TENM2: variants seen among roughly 807,000 people sequenced by gnomAD.
The protein encoded by TENM2 is teneurin transmembrane protein 2.
Under a neutral mutation model 245.2 loss-of-function variants are expected in TENM2, and 52 were observed. That is an observed-to-expected ratio of 0.21 (90% CI 0.17 to 0.27). TENM2 has a LOEUF of 0.27. TENM2 is among the 10% of genes least tolerant of loss of function. The pLI, the probability that TENM2 is intolerant of heterozygous loss-of-function variation, is 1.00. For missense variants in TENM2, 3,046 were observed against 3,666.8 expected, an observed-to-expected ratio of 0.83 and a Z score of 4.37; for synonymous variants, 1,363 against 1,438.9, an observed-to-expected ratio of 0.95 and a Z score of 1.19.
At chr5:167,632,645 A>G (rs1325017139) in intron 2 of TENM2, among the ~76,000 whole-genome samples, 1 of 152,168 alleles carries the variant, frequency 6.6e-6, no homozygotes, top group Non-Finnish European at 1.5e-5. Context: ...AGTATAGGTG[A>G]CTGGTATACA....
chr5:167,969,275 C>T (rs1201805685), intron 4 of TENM2, among the ~76,000 whole-genome samples: 1 of 152,046 alleles, frequency 6.6e-6, no homozygotes, highest in African/African-American at 2.4e-5. Flanking sequence ...TTCCCATGCT[C>T]TTCTCGTGGT....
At chr5:167,982,523 T>C (rs66943039) in intron 4 of TENM2, among the ~76,000 whole-genome samples, 24,880 of 152,174 alleles carry the variant, frequency 0.16, 2,239 homozygotes, top group East Asian at 0.26. Flanking sequence ...ATTGTATTCC[T>C]GTTCTTTTTC....
chr5:167,752,078 A>G (rs1189211889), intron 2 of TENM2, among the ~76,000 whole-genome samples: 1 of 151,774 alleles, frequency 6.6e-6, no homozygotes, highest in African/African-American at 2.4e-5. Flanking sequence ...GTTCTCATGC[A>G]GCTCTTGGGG....
intron 25 of TENM2, among the ~76,000 whole-genome samples, chr5:168,238,045 T>A (rs1320434001): frequency 2.0e-5 from 3 of 150,748 alleles, no homozygotes; most frequent in Non-Finnish European, 2.9e-5. Flanking sequence ...CTCAGGAGGC[T>A]GAGGCAGGAG....
At chr5:167,213,676 A>G in the TENM2 span, among the ~76,000 whole-genome samples, 1 of 152,236 alleles carries the variant, frequency 6.6e-6, no homozygotes, top group Admixed American at 6.5e-5. Flanking sequence ...GACAACCACT[A>G]ATGTAGCTTA....
chr5:167,563,731 A>G (rs1434662491), intron 2 of TENM2, among the ~76,000 whole-genome samples: 1 of 152,202 alleles, frequency 6.6e-6, no homozygotes, highest in Non-Finnish European at 1.5e-5. Context: ...TCTTCTATAC[A>G]GTGTTTTTAC....
chr5:167,751,673 A>G (rs1232346401), intron 2 of TENM2, among the ~76,000 whole-genome samples: 1 of 152,250 alleles, frequency 6.6e-6, no homozygotes, highest in African/African-American at 2.4e-5. Context: ...AGATTTTTAG[A>G]TACAACTGTT....
intron 5 of TENM2, among the ~76,000 whole-genome samples, chr5:168,025,763 T>G (rs776420086): frequency 6.6e-6 from 1 of 152,118 alleles, no homozygotes; most frequent in East Asian, 1.9e-4. Flanking sequence ...AAGTGGAACA[T>G]GAAAAGATGG....
intron 2 of TENM2, among the ~76,000 whole-genome samples, chr5:167,645,387 A>G (rs1307971937): frequency 6.6e-6 from 1 of 152,130 alleles, no homozygotes; most frequent in African/African-American, 2.4e-5. Context: ...ACGCAAAGGA[A>G]GGGTGGAGGA....
At chr5:167,356,561 C>T (rs1240488761) in intron 1 of TENM2, among the ~76,000 whole-genome samples, 1 of 152,200 alleles carries the variant, frequency 6.6e-6, no homozygotes, top group Non-Finnish European at 1.5e-5. Context: ...GCCAGAACCC[C>T]TGAGAGGAGG....
At chr5:167,615,331 A>G (rs1464100340) in intron 2 of TENM2, among the ~76,000 whole-genome samples, 8 of 151,984 alleles carry the variant, frequency 5.3e-5, no homozygotes, top group Non-Finnish European at 7.4e-5. Flanking sequence ...GGGGAAATTG[A>G]CTGTTGATGT....
chr5:167,957,333 T>G (rs980052591), intron 4 of TENM2, among the ~76,000 whole-genome samples: 1 of 152,160 alleles, frequency 6.6e-6, no homozygotes, highest in African/African-American at 2.4e-5. Context: ...CCCTTTATGA[T>G]TTTTTGTTGT....
At chr5:167,900,156 AAAG>A (rs1775589775) in intron 3 of TENM2, among the ~76,000 whole-genome samples, 1 of 147,444 alleles carries the variant, frequency 6.8e-6, no homozygotes, top group Non-Finnish European at 1.5e-5. Context: ...TTTGGAAAGG[AAAG>A]GAATGATATC....
At chr5:168,059,710 A>G (rs1048834188) in intron 6 of TENM2, among the ~76,000 whole-genome samples, 4 of 152,146 alleles carry the variant, frequency 2.6e-5, no homozygotes, top group African/African-American at 9.7e-5. Context: ...TCCAGTTTAT[A>G]GTAATGAGAG....
intron 2 of TENM2, among the ~76,000 whole-genome samples, chr5:167,702,768 G>A (rs1365457056): frequency 6.6e-6 from 1 of 151,870 alleles, no homozygotes; most frequent in Non-Finnish European, 1.5e-5. Context: ...GGGCTCAAGC[G>A]ATTCTCCTGC....
Position 168,246,639 on chromosome 5 carries a change from T to C in TENM2, c.5818-118T>C, listed in dbSNP as rs554838298. On this transcript the variant is annotated intron_variant, in intron 26 of 28. Transcript: ENST00000518659. Reference sequence around the variant, plus strand: ...TAAATCTGTTTAATCTGGTCTAAGCTTCCCATCTTTCATGACTTTTGAGTT... The same window carrying C: ...TAAATCTGTTTAATCTGGTCTAAGCCTCCCATCTTTCATGACTTTTGAGTT... 2.8e-4 allele frequency: 284 copies of C among 1,028,620 alleles called. 4 individuals carry two copies. The South Asian group carries it at 4.1e-3, about 15-fold the overall frequency. The allele number at this position is 1,028,620 out of a possible 1,614,324, so 63.7% of individuals were successfully genotyped here. A position where few individuals can be genotyped will look rare whatever the true frequency, so the allele number is the denominator to read the frequency against.
chr5:168,103,720 G>C (rs1312014684), intron 9 of TENM2, among the ~76,000 whole-genome samples: 1 of 152,144 alleles, frequency 6.6e-6, no homozygotes, highest in Non-Finnish European at 1.5e-5. Context: ...GTGTGTGTGA[G>C]TGTGTGTGCC....
chr5:167,636,127 T>G (rs147380808), intron 2 of TENM2, among the ~76,000 whole-genome samples: 1 of 152,218 alleles, frequency 6.6e-6, no homozygotes, highest in African/African-American at 2.4e-5. Context: ...TTAAAATGTT[T>G]AGTTCACCTT....
chr5:168,160,277 G>A (rs1239157449), intron 12 of TENM2, among the ~76,000 whole-genome samples: 1 of 152,120 alleles, frequency 6.6e-6, no homozygotes, highest in Non-Finnish European at 1.5e-5. Context: ...GCATTTCTCT[G>A]CAACTGGGGA....
Sources: allele counts gnomAD v4.1 joint callset (sites outside exome capture counted in the v4.1 genomes callset), GRCh38; gene constraint gnomAD v4.1.1; transcripts MANE v1.5; gene names NCBI Gene and HGNC (gene_info 2026-07-23, HGNC 2026-07-21).